NHSL2: variants seen among roughly 807,000 people sequenced by gnomAD.
The protein encoded by NHSL2 is NHS-like protein 2.
In NHSL2, 27 loss-of-function variants were observed where a neutral mutation model predicts 53.4. The observed-to-expected ratio is 0.51, with a 90% CI of 0.37 to 0.70. The LOEUF is 0.70. Ranked by LOEUF, NHSL2 falls within the 30% of genes least tolerant of loss-of-function variation. NHSL2 has a pLI of 0.00. For synonymous variants in NHSL2, 408 were observed against 404.1 expected, an observed-to-expected ratio of 1.01 and a Z score of -0.12; for missense variants, 892 against 980.1, an observed-to-expected ratio of 0.91 and a Z score of 1.20.
At chrX:71,927,694 TA>T (rs780861897) in intron 1 of NHSL2, among the ~76,000 whole-genome samples, 1 of 111,233 alleles carries the variant, frequency 9.0e-6, no homozygotes, top group South Asian at 3.9e-4. Context: ...GTAGCTAGAT[TA>T]CAGGCGCCTG....
At chrX:71,920,472 TA>T (rs964522656) in intron 1 of NHSL2, among the ~76,000 whole-genome samples, 239 of 102,139 alleles carry the variant, frequency 2.3e-3, no homozygotes, top group East Asian at 6.6e-3. Flanking sequence ...CCCTAAATGT[TA>T]AAAAAAAAAA....
intron 1 of NHSL2, chrX:72,080,415 G>C: frequency 9.0e-6 from 1 of 111,640 alleles, no homozygotes; most frequent in South Asian, 3.8e-4. Flanking sequence ...GCGTTCTAGA[G>C]GTGTGCACAG....
Position 71,917,709 on chromosome X carries a change from G to T in NHSL2, c.280+6342G>T, listed in dbSNP as rs187981388. On this transcript the variant is annotated intron_variant, in intron 1 of 7. Transcript: ENST00000633930. ...AAGATGTGATGTCTGAGTTCTGAAG[G>T]ATGATCTGGAGCTGGCCGTTGAAGG... is the stretch of plus-strand genomic sequence containing the variant. 7.2e-5 allele frequency among the ~76,000 whole-genome samples: 8 copies of T among 111,487 alleles called. No individual in the cohort carries two copies. In the East Asian group the frequency reaches 2.3e-3, roughly 32 times the overall value.
At chrX:71,969,519 G>T (rs1265660896) in intron 1 of NHSL2, among the ~76,000 whole-genome samples, 16 of 110,880 alleles carry the variant, frequency 1.4e-4, no homozygotes, top group Admixed American at 1.4e-3. Context: ...CCCCATGTTG[G>T]CCAGGCTGGT....
chrX:72,090,204 C>A (rs980673569), intron 1 of NHSL2, among the ~76,000 whole-genome samples: 7 of 110,669 alleles, frequency 6.3e-5, no homozygotes, highest in Non-Finnish European at 1.3e-4. Flanking sequence ...GCTGGGACCA[C>A]AGGCACACGC....
At chrX:71,914,132 G>A (rs1319836661) in intron 1 of NHSL2, among the ~76,000 whole-genome samples, 5 of 112,490 alleles carry the variant, frequency 4.4e-5, no homozygotes. Context: ...CCCTGTGGTT[G>A]TGGATCTGTG....
chrX:71,951,040 A>ACACACACACACACACACACACACAC (rs35096488), intron 1 of NHSL2, among the ~76,000 whole-genome samples: 2 of 109,960 alleles, frequency 1.8e-5, no homozygotes, highest in African/African-American at 6.6e-5. Flanking sequence ...ACACACACAC[A>ACACACACACACACACACACACACAC]AATACCTGGC....
intron 1 of NHSL2, among the ~76,000 whole-genome samples, chrX:72,094,377 A>G (rs1405536116): frequency 1.8e-5 from 2 of 112,212 alleles, no homozygotes; most frequent in Non-Finnish European, 3.8e-5. Context: ...GAGCACATAC[A>G]TAGCACATTT....
intron 1 of NHSL2, among the ~76,000 whole-genome samples, chrX:72,094,297 G>T (rs908844548): frequency 2.7e-5 from 3 of 111,525 alleles, no homozygotes; most frequent in African/African-American, 9.8e-5. Context: ...GCAAAGAATG[G>T]TATGGACAAT....
intron 1 of NHSL2, among the ~76,000 whole-genome samples, chrX:71,927,247 G>A (rs1235381966): frequency 8.9e-6 from 1 of 112,340 alleles, no homozygotes; most frequent in Non-Finnish European, 1.9e-5. Context: ...GTGCATATGA[G>A]GGCCGGATCA....
chrX:71,938,944 CA>C (rs1329852765), intron 1 of NHSL2, among the ~76,000 whole-genome samples: 1 of 112,611 alleles, frequency 8.9e-6, no homozygotes, highest in Non-Finnish European at 1.9e-5. Flanking sequence ...GCAAAACAGA[CA>C]ATGTCCCTGG....
At chrX:71,965,742 G>A (rs967886312) in intron 1 of NHSL2, among the ~76,000 whole-genome samples, 3 of 112,156 alleles carry the variant, frequency 2.7e-5, no homozygotes, top group Non-Finnish European at 3.8e-5. Flanking sequence ...ATTCATGAAC[G>A]TAGACTATCT....
intron 1 of NHSL2, among the ~76,000 whole-genome samples, chrX:71,964,294 A>G (rs2041891328): frequency 1.0e-5 from 1 of 96,006 alleles, no homozygotes; most frequent in Admixed American, 1.2e-4. Flanking sequence ...ACTCCCACTT[A>G]TGAGTGGGAA....
At chrX:71,971,038 C>T (rs1350490933) in intron 1 of NHSL2, among the ~76,000 whole-genome samples, 2 of 111,376 alleles carry the variant, frequency 1.8e-5, no homozygotes, top group African/African-American at 6.5e-5. Flanking sequence ...CTGCTTCAGC[C>T]TCAGTTTTGC....
intron 1 of NHSL2, among the ~76,000 whole-genome samples, chrX:72,037,224 C>G (rs189769683): frequency 1.8e-5 from 2 of 111,585 alleles, no homozygotes; most frequent in East Asian, 5.7e-4. Flanking sequence ...TCAAGACCAT[C>G]CTGGCTAACA....
At chrX:72,044,833 C>A (rs1037740407) in intron 1 of NHSL2, 69 of 1,102,356 alleles carry the variant, frequency 6.3e-5, no homozygotes, top group Non-Finnish European at 8.0e-5. Flanking sequence ...GGACCGAACA[C>A]CCCCACCCCG....
intron 1 of NHSL2, among the ~76,000 whole-genome samples, chrX:72,037,681 C>T (rs1398164620): frequency 8.9e-6 from 1 of 111,921 alleles, no homozygotes. Flanking sequence ...GGCCAGGTGC[C>T]TGTGAAACTG....
intron 1 of NHSL2, among the ~76,000 whole-genome samples, chrX:71,920,489 C>T (rs1383122492): frequency 9.1e-6 from 1 of 109,776 alleles, no homozygotes; most frequent in East Asian, 2.9e-4. Context: ...AAAAAAAGTA[C>T]TAATGCTGTG....
chrX:71,958,568 T>C (rs954159841), intron 1 of NHSL2, among the ~76,000 whole-genome samples: 1 of 111,553 alleles, frequency 9.0e-6, no homozygotes, highest in Non-Finnish European at 1.9e-5. Flanking sequence ...TGCATGAGAT[T>C]GTTCATTGGG....
Sources: allele counts gnomAD v4.1 joint callset (sites outside exome capture counted in the v4.1 genomes callset), GRCh38; gene constraint gnomAD v4.1.1; transcripts MANE v1.5; gene names NCBI Gene and HGNC (gene_info 2026-07-23, HGNC 2026-07-21).